The following TCF12 variants were observed in gnomAD, a reference collection of about 807,000 sequenced individuals.
TCF12 encodes the protein DNA-binding protein HTF4.
In TCF12, 45 loss-of-function variants were observed where a neutral mutation model predicts 86.0. The observed-to-expected ratio is 0.52, with a 90% CI of 0.41 to 0.67. TCF12 has a LOEUF of 0.67. Ranked by LOEUF, TCF12 falls within the 30% of genes least tolerant of loss-of-function variation. The pLI is 0.00. For synonymous variants in TCF12, 330 were observed against 299.6 expected (o/e 1.10, Z -1.05); for missense variants, 881 against 859.9 (o/e 1.02, Z -0.31).
chr15:57,111,531 C>T (rs969493622), intron 5 of TCF12, among the ~76,000 whole-genome samples: 10 of 151,748 alleles, frequency 6.6e-5, no homozygotes, highest in African/African-American at 1.7e-4. Context: ...ACTCCCATCT[C>T]CTCTCTTAGT....
At chr15:57,177,258 A>G (rs956172754) in intron 6 of TCF12, among the ~76,000 whole-genome samples, 3 of 145,076 alleles carry the variant, frequency 2.1e-5, no homozygotes, top group Non-Finnish European at 3.0e-5. Context: ...GTATCAGGCA[A>G]TAGACAATTT....
intron 4 of TCF12, among the ~76,000 whole-genome samples, chr15:57,074,095 A>G (rs151095268): frequency 7.9e-4 from 120 of 152,196 alleles, no homozygotes; most frequent in Non-Finnish European, 1.3e-3. Flanking sequence ...TTCTTATAAA[A>G]GCAGTAATTC....
intron 5 of TCF12, among the ~76,000 whole-genome samples, chr15:57,117,132 G>A (rs2050895213): frequency 6.7e-6 from 1 of 150,090 alleles, no homozygotes; most frequent in Non-Finnish European, 1.5e-5. Flanking sequence ...TTCATTTTGA[G>A]ACAGGGTTTT....
intron 5 of TCF12, among the ~76,000 whole-genome samples, chr15:57,162,017 A>T (rs2054539770): frequency 6.6e-6 from 1 of 152,184 alleles, no homozygotes; most frequent in Admixed American, 6.5e-5. Context: ...GCCCATGCAC[A>T]TGTGCACACA....
chr15:57,099,407 A>C lies in TCF12; in HGVS notation c.325+7516A>C, dbSNP rs187078643. Among the ~76,000 whole-genome samples, 278 of 152,308 alleles carry C rather than the reference A, an allele frequency of 1.8e-3. 5 individuals carry two copies. The highest frequency in any genetic ancestry group is 3.4e-4 in the Non-Finnish European group (23 of 68,024). On this transcript the variant is annotated intron_variant, in intron 5 of 20. Transcript: ENST00000333725. ...CTAGAATGAATTACTTGAAAGAGTA[A>C]CCAGGATTTCAGAAAATATAGGGAA...
At chr15:57,017,551 A>G (rs1394570374) in intron 3 of TCF12, among the ~76,000 whole-genome samples, 1 of 152,208 alleles carries the variant, frequency 6.6e-6, no homozygotes, top group African/African-American at 2.4e-5. Flanking sequence ...CTGCTTTAGC[A>G]TGCTAGCCCA....
chr15:57,116,536 A>G (rs1268536603), intron 5 of TCF12, among the ~76,000 whole-genome samples: 4 of 151,956 alleles, frequency 2.6e-5, no homozygotes, highest in African/African-American at 7.3e-5. Context: ...TTGTAGAGAC[A>G]GGGTTTTGCA....
rs1597141020 is a variant in TCF12, at chr15:57,184,121, C to T, written c.391-8037C>T. Among the ~76,000 whole-genome samples, 3 of 151,976 alleles carry T rather than the reference C, an allele frequency of 2.0e-5. No individual in the cohort carries two copies. In the South Asian group the frequency reaches 6.2e-4, roughly 32 times the overall value. On this transcript the variant is annotated intron_variant, in intron 6 of 20. Transcript: ENST00000333725. Reference sequence around the variant, plus strand: ...ACCCTGCAGACTTAGTCCTTTGTCCCTCTGACGTATTAGATTAGCAGCCAA... The same window carrying T: ...ACCCTGCAGACTTAGTCCTTTGTCCTTCTGACGTATTAGATTAGCAGCCAA...
chr15:57,185,604 A>G (rs2056621754), intron 6 of TCF12, among the ~76,000 whole-genome samples: 1 of 152,198 alleles, frequency 6.6e-6, no homozygotes, highest in South Asian at 2.1e-4. Flanking sequence ...GTTCTTTAAA[A>G]ATATCAACAA....
intron 3 of TCF12, among the ~76,000 whole-genome samples, chr15:56,948,140 G>T (rs183236572): frequency 2.6e-3 from 391 of 148,226 alleles, no homozygotes; most frequent in Non-Finnish European, 4.4e-3. Flanking sequence ...TTTATTTTTT[G>T]AGATGGGATC....
At chr15:57,210,445 G>C (rs2058054321) in intron 8 of TCF12, among the ~76,000 whole-genome samples, 1 of 151,904 alleles carries the variant, frequency 6.6e-6, no homozygotes. Flanking sequence ...GAGAGCTCCA[G>C]GTTTTCATCA....
At chr15:57,242,825 T>G (rs2059693593) in intron 12 of TCF12, among the ~76,000 whole-genome samples, 1 of 152,246 alleles carries the variant, frequency 6.6e-6, no homozygotes, top group Non-Finnish European at 1.5e-5. Flanking sequence ...AAAGTAGACC[T>G]ATTAGGATTT....
intron 3 of TCF12, among the ~76,000 whole-genome samples, chr15:56,986,090 C>T (rs1374772360): frequency 6.6e-6 from 1 of 152,058 alleles, no homozygotes; most frequent in Non-Finnish European, 1.5e-5. Context: ...TTGGGTGATT[C>T]ACAAACTGTT....
intron 3 of TCF12, among the ~76,000 whole-genome samples, chr15:56,992,742 C>T (rs962290371): frequency 1.1e-4 from 17 of 152,104 alleles, no homozygotes; most frequent in Admixed American, 2.0e-4. Flanking sequence ...AATAGTGTTA[C>T]GGCTATCTTT....
intron 17 of TCF12, among the ~76,000 whole-genome samples, chr15:57,262,464 C>G (rs953815893): frequency 1.1e-4 from 17 of 152,178 alleles, no homozygotes; most frequent in Admixed American, 5.2e-4. Context: ...TCTTCCTGTT[C>G]TGTCATGTCC....
rs1362288442 is a variant in TCF12 at position 57,055,306 on chromosome 15, G to T, written c.149-8444G>T. Among the ~76,000 whole-genome samples, 5 of 152,292 alleles carry T rather than the reference G, an allele frequency of 3.3e-5. No homozygotes were observed. In the East Asian group the frequency reaches 9.7e-4, roughly 29 times the overall value. ...AATCCCAGCTACTTGGGAGGCTGAG[G>T]CAGGAGAATCGCTTGAACCTGGAGG... On this transcript the variant is annotated intron_variant, in intron 3 of 20. Coordinates refer to ENST00000333725, the MANE Select transcript of TCF12 (RefSeq NM_207037.2).
chr15:57,263,423 C>T, intron 18 of TCF12, 149 bp downstream of exon 18: 1 of 768,204 alleles, frequency 1.3e-6, no homozygotes, highest in Non-Finnish European at 2.0e-6. Flanking sequence ...TTAATCACCA[C>T]ATCATCTCTA....
intron 3 of TCF12, among the ~76,000 whole-genome samples, chr15:57,024,878 G>T (rs1272494357): frequency 2.6e-5 from 4 of 152,208 alleles, no homozygotes; most frequent in African/African-American, 9.6e-5. Flanking sequence ...CAAGCTAGAA[G>T]GCTGAGGTTA....
chr15:56,964,169 A>G (rs1178143581), intron 3 of TCF12, among the ~76,000 whole-genome samples: 4 of 152,204 alleles, frequency 2.6e-5, no homozygotes, highest in Non-Finnish European at 5.9e-5. Context: ...TTCAAGAACA[A>G]GTTTCGAAGA....
Sources: gnomAD v4.1 joint callset for allele counts (sites outside exome capture counted in the v4.1 genomes callset) on GRCh38, gnomAD v4.1.1 for gene constraint, MANE v1.5 for transcripts, NCBI Gene and HGNC (gene_info 2026-07-23, HGNC 2026-07-21) for gene names.